The following RPS6KC1 variants were observed in gnomAD, a reference collection of about 807,000 sequenced individuals.
RPS6KC1 encodes the protein inactive ribosomal protein S6 kinase delta-1.
A neutral mutation model predicts 103.8 loss-of-function variants in RPS6KC1; 54 were observed. The ratio of observed to expected loss-of-function variants is 0.52; its 90% CI spans 0.42 to 0.65. The LOEUF is 0.65. Ranked by LOEUF, RPS6KC1 falls within the 30% of genes least tolerant of loss-of-function variation. RPS6KC1 has a pLI of 0.00. For synonymous variants in RPS6KC1, 439 were observed against 438.7 expected (o/e 1.00, Z -0.01); for missense variants, 1,151 against 1,253.8 (o/e 0.92, Z 1.24).
chr1:213,732,554 A>G, the RPS6KC1 span, among the ~76,000 whole-genome samples: 1 of 152,174 alleles, frequency 6.6e-6, no homozygotes. Context: ...TATACATTTG[A>G]CAAATTAATT....
downstream of RPS6KC1, among the ~76,000 whole-genome samples, chr1:213,277,778 A>C (rs1047360397): frequency 1.1e-4 from 16 of 152,354 alleles, no homozygotes; most frequent in African/African-American, 3.8e-4. Context: ...TTGGGCAGGA[A>C]TGCCTCTTTA....
the RPS6KC1 span, among the ~76,000 whole-genome samples, chr1:213,639,826 C>G: frequency 1.3e-5 from 2 of 150,388 alleles, no homozygotes; most frequent in Non-Finnish European, 3.0e-5. Context: ...GTTTTTTCAT[C>G]TCTGTTCATG....
At chr1:213,523,419 T>C in the RPS6KC1 span, among the ~76,000 whole-genome samples, 1 of 152,136 alleles carries the variant, frequency 6.6e-6, no homozygotes, top group Non-Finnish European at 1.5e-5. Flanking sequence ...ATGGCACCAA[T>C]AGAGTTTCTT....
At chr1:213,117,439 A>G (rs746986247) in intron 5 of RPS6KC1, 29 bp downstream of exon 5, 1 of 1,337,958 alleles carries the variant, frequency 7.5e-7, no homozygotes, top group African/African-American at 1.4e-5. Flanking sequence ...TTTGCATTTC[A>G]AAGGTTTGGA....
At chr1:213,152,360 G>A (rs1290966381) in intron 6 of RPS6KC1, among the ~76,000 whole-genome samples, 3 of 145,912 alleles carry the variant, frequency 2.1e-5, no homozygotes, top group South Asian at 2.1e-4. Flanking sequence ...CGGACGGGGC[G>A]GCTGATGGGG....
chr1:213,177,363 A>G (rs1336983445), intron 8 of RPS6KC1, among the ~76,000 whole-genome samples: 1 of 152,178 alleles, frequency 6.6e-6, no homozygotes, highest in Non-Finnish European at 1.5e-5. Flanking sequence ...TTCACCATTA[A>G]CCATTTTTTA....
the RPS6KC1 span, among the ~76,000 whole-genome samples, chr1:213,752,703 T>C: frequency 1.3e-5 from 2 of 152,252 alleles, no homozygotes; most frequent in Admixed American, 6.5e-5. Context: ...TGGCATATAG[T>C]GTACCTTCCT....
At chr1:213,735,669 A>G in the RPS6KC1 span, among the ~76,000 whole-genome samples, 1 of 152,230 alleles carries the variant, frequency 6.6e-6, no homozygotes, top group Non-Finnish European at 1.5e-5. Context: ...AGAAATGAGT[A>G]CAAATGAAGG....
the RPS6KC1 span, among the ~76,000 whole-genome samples, chr1:213,524,629 A>G: frequency 6.6e-6 from 1 of 152,306 alleles, no homozygotes; most frequent in Middle Eastern, 3.4e-3. Flanking sequence ...TGTCTCTGCC[A>G]TTTACTGTAA....
chr1:213,720,610 G>C, the RPS6KC1 span, among the ~76,000 whole-genome samples: 1 of 152,180 alleles, frequency 6.6e-6, no homozygotes, highest in African/African-American at 2.4e-5. Flanking sequence ...ACTTGTTTTA[G>C]GTACAGAGAA....
the RPS6KC1 span, among the ~76,000 whole-genome samples, chr1:213,534,240 C>G: frequency 1.3e-5 from 2 of 152,200 alleles, no homozygotes. Context: ...TATCTGAAGT[C>G]TCTTATCCAG....
At chr1:213,068,268 G>A (rs190202503) in intron 1 of RPS6KC1, among the ~76,000 whole-genome samples, 405 of 151,748 alleles carry the variant, frequency 2.7e-3, no homozygotes, top group African/African-American at 9.2e-3. Context: ...GGCAGATCAC[G>A]AGGTCAAGAG....
the RPS6KC1 span, among the ~76,000 whole-genome samples, chr1:213,306,497 A>G: frequency 1.3e-5 from 2 of 152,236 alleles, no homozygotes; most frequent in Non-Finnish European, 2.9e-5. Flanking sequence ...GTGAAGCTGT[A>G]TGCCTTATGG....
chr1:213,719,035 T>G, the RPS6KC1 span, among the ~76,000 whole-genome samples: 3 of 152,224 alleles, frequency 2.0e-5, no homozygotes, highest in African/African-American at 7.2e-5. Flanking sequence ...CAGAGATGTT[T>G]GTTCATGCCT....
At chr1:213,754,153 T>A in the RPS6KC1 span, among the ~76,000 whole-genome samples, 8 of 152,310 alleles carry the variant, frequency 5.3e-5, no homozygotes, top group East Asian at 1.5e-3. Context: ...GCTTAAACAA[T>A]ACATTTGCTC....
intron 8 of RPS6KC1, among the ~76,000 whole-genome samples, chr1:213,188,735 T>C (rs183416238): frequency 1.6e-4 from 25 of 152,320 alleles, no homozygotes; most frequent in African/African-American, 5.3e-4. Context: ...GTCTGAATTA[T>C]TGGAGAAACA....
chr1:213,067,425 T>G (rs904284901), intron 1 of RPS6KC1, among the ~76,000 whole-genome samples: 1 of 152,262 alleles, frequency 6.6e-6, no homozygotes, highest in African/African-American at 2.4e-5. Flanking sequence ...CCAAAAAAAC[T>G]GTCCGTGGGA....
chr1:213,672,674 A>T, the RPS6KC1 span, among the ~76,000 whole-genome samples: 6 of 152,114 alleles, frequency 3.9e-5, no homozygotes, highest in Non-Finnish European at 5.9e-5. Flanking sequence ...ATCCACTCTG[A>T]GTGTTTCAAC....
At chr1:213,083,569 C>A (rs1300629392) in intron 3 of RPS6KC1, among the ~76,000 whole-genome samples, 2 of 152,192 alleles carry the variant, frequency 1.3e-5, no homozygotes, top group East Asian at 3.8e-4. Flanking sequence ...ACCTGAAGAA[C>A]CTCAGTCACA....
Sources: gnomAD v4.1 joint callset for allele counts (sites outside exome capture counted in the v4.1 genomes callset) on GRCh38, gnomAD v4.1.1 for gene constraint, MANE v1.5 for transcripts, NCBI Gene and HGNC (gene_info 2026-07-23, HGNC 2026-07-21) for gene names.